Variants in TRIM2 observed in about 807,000 individuals in gnomAD.
TRIM2 encodes tripartite motif-containing protein 2.
TRIM2 carries 20 observed loss-of-function variants against 75.2 expected under a neutral mutation model. That is an observed-to-expected ratio of 0.27 (90% CI 0.19 to 0.39). TRIM2 has a LOEUF of 0.39. Among genes scored for constraint, TRIM2 ranks in the 10% least tolerant of loss-of-function variants. The probability of loss-of-function intolerance (pLI) is 1.00; values close to 1 mark genes in which losing one functional copy is unlikely to be tolerated. For synonymous variants in TRIM2, 373 were observed against 388.3 expected (o/e 0.96, Z 0.46); for missense variants, 660 against 990.8 (o/e 0.67, Z 4.48).
chr4:153,244,122 T>G (rs146939710), intron 1 of TRIM2, among the ~76,000 whole-genome samples: 1 of 142,306 alleles, frequency 7.0e-6, no homozygotes, highest in East Asian at 2.1e-4. Flanking sequence ...GCCACTGCCA[T>G]CTTCTTCTTC....
chr4:153,257,165 T>C (rs1337929217), intron 1 of TRIM2, among the ~76,000 whole-genome samples: 1 of 152,204 alleles, frequency 6.6e-6, no homozygotes, highest in Non-Finnish European at 1.5e-5. Context: ...GCACTCCCTG[T>C]ACCTGCCCCG....
At chr4:153,157,958 A>G (rs1209488435) in intron 1 of TRIM2, among the ~76,000 whole-genome samples, 1 of 152,150 alleles carries the variant, frequency 6.6e-6, no homozygotes, top group African/African-American at 2.4e-5. Context: ...GGCTCTGACT[A>G]TTTCTGGCTT....
At chr4:153,172,029 G>A (rs1309948546) in intron 1 of TRIM2, among the ~76,000 whole-genome samples, 1 of 151,784 alleles carries the variant, frequency 6.6e-6, no homozygotes, top group Non-Finnish European at 1.5e-5. Flanking sequence ...TACCTCAAAG[G>A]TGTCTTTCTG....
intron 1 of TRIM2, among the ~76,000 whole-genome samples, chr4:153,223,741 G>C (rs1281500190): frequency 6.6e-6 from 1 of 152,172 alleles, no homozygotes; most frequent in African/African-American, 2.4e-5. Flanking sequence ...AGCAACTGAT[G>C]CCTTCCACCA....
intron 6 of TRIM2, among the ~76,000 whole-genome samples, chr4:153,301,159 C>T (rs906515464): frequency 6.6e-6 from 1 of 151,642 alleles, no homozygotes. Flanking sequence ...CCACTACATT[C>T]CAGCCTGAGT....
intron 1 of TRIM2, among the ~76,000 whole-genome samples, chr4:153,230,142 G>A (rs1743231140): frequency 6.6e-6 from 1 of 152,202 alleles, no homozygotes; most frequent in East Asian, 1.9e-4. Context: ...CATGATGACT[G>A]CTACGGTACT....
At chr4:153,208,862 A>G (rs537982715) in intron 1 of TRIM2, among the ~76,000 whole-genome samples, 4 of 152,324 alleles carry the variant, frequency 2.6e-5, no homozygotes, top group African/African-American at 9.6e-5. Context: ...ATTTCCATAC[A>G]TTACAAAAGT....
intron 1 of TRIM2, among the ~76,000 whole-genome samples, chr4:153,235,350 T>C (rs1025866825): frequency 1.3e-5 from 2 of 151,984 alleles, no homozygotes; most frequent in African/African-American, 4.8e-5. Context: ...AGTGGCATGA[T>C]CACGGCTCAC....
At chr4:153,239,968 G>A (rs1177609358) in intron 1 of TRIM2, among the ~76,000 whole-genome samples, 1 of 151,578 alleles carries the variant, frequency 6.6e-6, no homozygotes, top group East Asian at 1.9e-4. Flanking sequence ...CCGAGTAGTT[G>A]GGACTGCATC....
intron 1 of TRIM2, among the ~76,000 whole-genome samples, chr4:153,167,068 A>C (rs1000840281): frequency 2.0e-5 from 3 of 152,248 alleles, no homozygotes; most frequent in African/African-American, 7.2e-5. Flanking sequence ...AGAATGTTTG[A>C]GTTTAAATCC....
chr4:153,203,633 T>C (rs1352166467), upstream of TRIM2, among the ~76,000 whole-genome samples: 1 of 150,240 alleles, frequency 6.7e-6, no homozygotes, highest in Non-Finnish European at 1.5e-5. Context: ...GGCACACTCC[T>C]GTAATCCCAG....
At chr4:153,206,816 G>A (rs568074915) in intron 1 of TRIM2, among the ~76,000 whole-genome samples, 96 of 152,258 alleles carry the variant, frequency 6.3e-4, no homozygotes, top group African/African-American at 1.8e-3. Flanking sequence ...GCCCTCAGTC[G>A]TCAATCATCT....
intron 5 of TRIM2, 81 bp downstream of exon 5, chr4:153,294,566 A>G (rs1762416113): frequency 8.4e-6 from 12 of 1,427,158 alleles, no homozygotes; most frequent in East Asian, 2.3e-5. Context: ...AATAGCAACA[A>G]GGGGTCCTTA....
At chr4:153,263,660 A>G (rs116342477) in intron 1 of TRIM2, among the ~76,000 whole-genome samples, 1,897 of 152,320 alleles carry the variant, frequency 0.012, 27 homozygotes, top group African/African-American at 0.044. Flanking sequence ...AGTATGTCGG[A>G]AGGCTTAGTT....
chr4:153,186,667 C>A (rs985540905), intron 1 of TRIM2, among the ~76,000 whole-genome samples: 2 of 152,214 alleles, frequency 1.3e-5, no homozygotes, highest in African/African-American at 4.8e-5. Flanking sequence ...TCCCCACTGC[C>A]AAGTCCCCGA....
chr4:153,178,503 C>T (rs527928188), intron 1 of TRIM2, among the ~76,000 whole-genome samples: 1 of 152,294 alleles, frequency 6.6e-6, no homozygotes, highest in African/African-American at 2.4e-5. Context: ...TATAGTGAAA[C>T]AGAAGTCACA....
chr4:153,315,364 A>T, intron 6 of TRIM2, 121 bp from the exon 7 acceptor site: 1 of 740,964 alleles, frequency 1.3e-6, no homozygotes, highest in Non-Finnish European at 2.1e-6. Context: ...CCCTTTTTTT[A>T]AAGTATATTT....
chr4:153,193,196 A>G (rs2149663806), intron 1 of TRIM2, among the ~76,000 whole-genome samples: 1 of 137,834 alleles, frequency 7.3e-6, no homozygotes, highest in South Asian at 2.2e-4. Context: ...AAGTGTCGCG[A>G]TCTCAGCTCC....
chr4:153,172,795 T>TGA lies in TRIM2; in HGVS notation c.-49+19528_-49+19529dup, dbSNP rs529709015. ...GACAAGGACTGAAGCAGTAACATTT[T>TGA]GAGACCTCAGTAATGAAGATCTGGA... On this transcript the variant is annotated intron_variant, in intron 1 of 11. Transcript: ENST00000437508. Among the ~76,000 whole-genome samples, 19 of 152,260 alleles carry TGA rather than the reference T, an allele frequency of 1.2e-4. No individual in the cohort carries two copies. In the South Asian group the frequency reaches 3.1e-3, roughly 25 times the overall value.
Sources: allele counts gnomAD v4.1 joint callset (sites outside exome capture counted in the v4.1 genomes callset), GRCh38; gene constraint gnomAD v4.1.1; transcripts MANE v1.5; gene names NCBI Gene and HGNC (gene_info 2026-07-23, HGNC 2026-07-21).